LINC00305: variants seen among roughly 807,000 people sequenced by gnomAD.
The protein encoded by LINC00305 is long intergenic non-protein coding RNA 305.
At chr18:64,148,013 G>T in intron 1 of LINC00305, among the ~76,000 whole-genome samples, 1 of 152,008 alleles carries the variant, frequency 6.6e-6, no homozygotes, top group South Asian at 2.1e-4. Context: ...TCGGATGTAC[G>T]TTCTTAGATG....
At chr18:64,124,785 G>A (rs2051377730) in intron 1 of LINC00305, among the ~76,000 whole-genome samples, 1 of 152,044 alleles carries the variant, frequency 6.6e-6, no homozygotes, top group South Asian at 2.1e-4. Flanking sequence ...ACCTTTGTGA[G>A]GTGGTTGTCT....
At chr18:64,141,781 CA>C (rs1478925020) in intron 1 of LINC00305, among the ~76,000 whole-genome samples, 2 of 152,172 alleles carry the variant, frequency 1.3e-5, no homozygotes, top group African/African-American at 4.8e-5. Context: ...CAACTTTTCT[CA>C]AAACGCTTTG....
At chr18:64,095,113 A>G (rs1448533055) in intron 3 of LINC00305, among the ~76,000 whole-genome samples, 1 of 152,138 alleles carries the variant, frequency 6.6e-6, no homozygotes, top group African/African-American at 2.4e-5. Context: ...GCAATTTTAA[A>G]TTAAAACAGC....
chr18:64,148,386 T>A (rs1242170176), intron 1 of LINC00305, among the ~76,000 whole-genome samples: 3 of 140,104 alleles, frequency 2.1e-5, no homozygotes, highest in Non-Finnish European at 4.6e-5. Context: ...GTGTAAGCTT[T>A]GCTCCTAATA....
At chr18:64,122,969 T>C (rs1381521441) in intron 1 of LINC00305, among the ~76,000 whole-genome samples, 1 of 152,116 alleles carries the variant, frequency 6.6e-6, no homozygotes, top group Non-Finnish European at 1.5e-5. Flanking sequence ...AATGGGATTG[T>C]CTTCTTGATT....
At chr18:64,148,233 G>GTCTC (rs377405903) in intron 1 of LINC00305, among the ~76,000 whole-genome samples, 2 of 150,314 alleles carry the variant, frequency 1.3e-5, no homozygotes, top group Admixed American at 6.6e-5. Flanking sequence ...CTAACCTCAT[G>GTCTC]TCTCTCTCTC....
chr18:64,121,315 C>T (rs914740083), intron 1 of LINC00305, among the ~76,000 whole-genome samples: 20 of 151,836 alleles, frequency 1.3e-4, no homozygotes, highest in Middle Eastern at 3.2e-3. Flanking sequence ...GTACGCTGTA[C>T]CCCAAAACCT....
intron 3 of LINC00305, chr18:64,080,512 C>T (rs1269753691): frequency 4.4e-6 from 1 of 227,040 alleles, no homozygotes. Flanking sequence ...TTTTAGAATA[C>T]TTTAAAAAAC....
intron 1 of LINC00305, among the ~76,000 whole-genome samples, chr18:64,140,596 T>A (rs2051457606): frequency 6.6e-6 from 1 of 152,172 alleles, no homozygotes; most frequent in Admixed American, 6.5e-5. Context: ...GAACGCTCCT[T>A]GAGGACAAGA....
chr18:64,099,085 T>A (rs1227967120), intron 1 of LINC00305, among the ~76,000 whole-genome samples: 1 of 152,174 alleles, frequency 6.6e-6, no homozygotes, highest in African/African-American at 2.4e-5. Context: ...GTTGACCTTC[T>A]CCTTCTTATC....
intron 3 of LINC00305, among the ~76,000 whole-genome samples, chr18:64,091,143 A>G (rs1311112693): frequency 1.3e-5 from 2 of 152,328 alleles, no homozygotes; most frequent in South Asian, 2.1e-4. Flanking sequence ...CTGGTTTTTC[A>G]TGTTTCTTAG....
chr18:64,095,691 A>G (rs1246253050), intron 3 of LINC00305, among the ~76,000 whole-genome samples: 5 of 152,242 alleles, frequency 3.3e-5, no homozygotes, highest in Admixed American at 3.3e-4. Flanking sequence ...GAGGATCCTA[A>G]CAGAACACAA....
At chr18:64,112,335 CAAAA>C (rs35340500) in intron 1 of LINC00305, among the ~76,000 whole-genome samples, 10 of 109,152 alleles carry the variant, frequency 9.2e-5, no homozygotes, top group African/African-American at 2.2e-4. Context: ...GCACATTGCT[CAAAA>C]AAAAAAAAAA....
At chr18:64,123,788 C>T (rs1568113771) in intron 1 of LINC00305, among the ~76,000 whole-genome samples, 2 of 152,148 alleles carry the variant, frequency 1.3e-5, no homozygotes, top group East Asian at 1.9e-4. Context: ...GTATTTGGGT[C>T]ATGTGGGTGG....
At chr18:64,090,461 A>G (rs1282061634) in intron 3 of LINC00305, among the ~76,000 whole-genome samples, 2 of 152,220 alleles carry the variant, frequency 1.3e-5, no homozygotes, top group African/African-American at 2.4e-5. Context: ...CTGTGCTACT[A>G]TCAATAGTGC....
intron 1 of LINC00305, among the ~76,000 whole-genome samples, chr18:64,121,818 A>G (rs1452899851): frequency 6.6e-6 from 1 of 152,152 alleles, no homozygotes; most frequent in Non-Finnish European, 1.5e-5. Context: ...ACAGTGTATA[A>G]GAGTTCCCTT....
chr18:64,095,131 A>G (rs1255209695), intron 3 of LINC00305, among the ~76,000 whole-genome samples: 1 of 152,108 alleles, frequency 6.6e-6, no homozygotes. Flanking sequence ...AGCAAGGATG[A>G]CAAAAAATAC....
At chr18:64,143,562 A>ACATATG (rs2051476196) in intron 1 of LINC00305, among the ~76,000 whole-genome samples, 1 of 19,240 alleles carries the variant, frequency 5.2e-5, no homozygotes, top group Non-Finnish European at 1.0e-4. Flanking sequence ...TTATGTGTAC[A>ACATATG]TATATACACA....
intron 1 of LINC00305, among the ~76,000 whole-genome samples, chr18:64,141,251 A>T (rs1239184233): frequency 6.6e-6 from 1 of 152,102 alleles, no homozygotes; most frequent in Non-Finnish European, 1.5e-5. Flanking sequence ...AAAATAATAA[A>T]GCATAAAATA....
Sources: allele counts gnomAD v4.1 joint callset (sites outside exome capture counted in the v4.1 genomes callset), GRCh38; gene constraint gnomAD v4.1.1; transcripts MANE v1.5; gene names NCBI Gene and HGNC (gene_info 2026-07-23, HGNC 2026-07-21).